The following PRKAR2A variants were observed in gnomAD, a reference collection of about 807,000 sequenced individuals.
PRKAR2A encodes cAMP-dependent protein kinase type II-alpha regulatory subunit.
PRKAR2A carries 29 observed loss-of-function variants against 51.9 expected under a neutral mutation model. The ratio of observed to expected loss-of-function variants is 0.56; its 90% CI spans 0.42 to 0.76. PRKAR2A has a LOEUF of 0.76. Ranked by LOEUF, PRKAR2A falls within the 30% of genes least tolerant of loss-of-function variation. The pLI, the probability that PRKAR2A is intolerant of heterozygous loss-of-function variation, is 0.00. For missense variants in PRKAR2A, 445 were observed against 512.1 expected (o/e 0.87, Z 1.26); for synonymous variants, 178 against 186.2 (o/e 0.96, Z 0.36).
chr3:48,792,335 T>C (rs905586141), intron 3 of PRKAR2A, among the ~76,000 whole-genome samples: 3 of 150,684 alleles, frequency 2.0e-5, no homozygotes, highest in African/African-American at 4.9e-5. Flanking sequence ...AGAGATGGGG[T>C]TTCACCATAT....
intron 5 of PRKAR2A, among the ~76,000 whole-genome samples, chr3:48,780,294 G>A (rs954565465): frequency 1.3e-5 from 2 of 151,704 alleles, no homozygotes; most frequent in Non-Finnish European, 2.9e-5. Context: ...CCCTAAATCA[G>A]CATTTAGAGT....
At chr3:48,803,091 A>G (rs561589878) in intron 2 of PRKAR2A, among the ~76,000 whole-genome samples, 1 of 152,244 alleles carries the variant, frequency 6.6e-6, no homozygotes, top group African/African-American at 2.4e-5. Context: ...TGAGAAGGGG[A>G]AGGTATGAAA....
rs570239619 is a variant in PRKAR2A at position 48,780,471 on chromosome 3, C to T, written c.542+2515G>A. Among the ~76,000 whole-genome samples the T allele has an allele frequency of 4.7e-4, 72 of 151,688 alleles. No homozygotes were observed. In the South Asian group the frequency reaches 0.011, roughly 24 times the overall value. On this transcript the variant is annotated intron_variant, in intron 5 of 10. Coordinates refer to ENST00000265563, the MANE Select transcript of PRKAR2A (RefSeq NM_004157.4). The stretch of plus-strand genomic sequence containing the variant: ...ACAAAAAATTAGCCGGGCATGGTGA[C>T]GGGCGCCTGTAGTCCCAGCTACTCG...
intron 1 of PRKAR2A, among the ~76,000 whole-genome samples, chr3:48,840,879 CTTTTT>C (rs998914309): frequency 9.9e-6 from 1 of 100,736 alleles, no homozygotes; most frequent in African/African-American, 3.7e-5. Flanking sequence ...CCTGGCCCAC[CTTTTT>C]TTTTTTTTTT....
chr3:48,828,473 T>A (rs113052114), intron 1 of PRKAR2A, among the ~76,000 whole-genome samples: 13 of 152,178 alleles, frequency 8.5e-5, no homozygotes, highest in Admixed American at 2.6e-4. Flanking sequence ...ATCCAAGTAC[T>A]TTGGGAGGCT....
In PRKAR2A at chr3:48,792,286, C is replaced by T. The variant is rs1020004539; in HGVS notation, c.352-1659G>A. Among the ~76,000 whole-genome samples, 5 of 150,716 alleles carry T rather than the reference C, an allele frequency of 3.3e-5. No individual in the cohort carries two copies. The East Asian group carries it at 5.9e-4, about 18-fold the overall frequency. On this transcript the variant is annotated intron_variant, in intron 3 of 10. Coordinates refer to ENST00000265563, the MANE Select transcript of PRKAR2A (RefSeq NM_004157.4). ...CCTCCTGAGTAGCTGGGAGTACAGG[C>T]GGGTGCCACCACGCCTGGCTAATTT...
chr3:48,768,796 T>C (rs2081978600), intron 6 of PRKAR2A, among the ~76,000 whole-genome samples: 2 of 151,806 alleles, frequency 1.3e-5, no homozygotes, highest in Admixed American at 6.6e-5. Flanking sequence ...ATTAGTACAA[T>C]TGCAATAGCA....
At chr3:48,815,752 G>T (rs1040724206) in intron 1 of PRKAR2A, among the ~76,000 whole-genome samples, 2 of 151,274 alleles carry the variant, frequency 1.3e-5, no homozygotes, top group Non-Finnish European at 2.9e-5. Flanking sequence ...CAGGCGTGGT[G>T]GCTCACGCCT....
chr3:48,836,433 A>C (rs1270128340), intron 1 of PRKAR2A, among the ~76,000 whole-genome samples: 2 of 139,380 alleles, frequency 1.4e-5, no homozygotes, highest in South Asian at 2.2e-4. Context: ...AAAAAAAAAA[A>C]AAAAAAAAAA....
intron 5 of PRKAR2A, among the ~76,000 whole-genome samples, chr3:48,778,821 ATTTTTTT>A (rs759904828): frequency 3.5e-5 from 3 of 86,404 alleles, no homozygotes; most frequent in Non-Finnish European, 7.0e-5. Context: ...CTCGGCCTGC[ATTTTTTT>A]TTTTTTTTTT....
intron 8 of PRKAR2A, among the ~76,000 whole-genome samples, chr3:48,761,500 CATT>C (rs2081862717): frequency 6.6e-6 from 1 of 152,020 alleles, no homozygotes; most frequent in Non-Finnish European, 1.5e-5. Context: ...TAAAATATCT[CATT>C]AATAAAGTTT....
intron 1 of PRKAR2A, among the ~76,000 whole-genome samples, chr3:48,817,522 G>A (rs904230464): frequency 3.3e-5 from 5 of 149,692 alleles, no homozygotes; most frequent in African/African-American, 1.2e-4. Flanking sequence ...GCATTTTGGC[G>A]GGCGCCTGTA....
intron 3 of PRKAR2A, among the ~76,000 whole-genome samples, chr3:48,791,844 G>A (rs1234528358): frequency 4.3e-5 from 6 of 139,194 alleles, no homozygotes; most frequent in Admixed American, 1.5e-4. Flanking sequence ...CAGAGGTTGT[G>A]GTGAGCCAAG....
At chr3:48,791,298 A>T (rs1160516289) in intron 3 of PRKAR2A, among the ~76,000 whole-genome samples, 2 of 140,574 alleles carry the variant, frequency 1.4e-5, no homozygotes, top group African/African-American at 5.3e-5. Flanking sequence ...AAAAAAAAAA[A>T]AAAAAAAAAA....
At chr3:48,829,019 A>G (rs2083120573) in intron 1 of PRKAR2A, among the ~76,000 whole-genome samples, 1 of 151,726 alleles carries the variant, frequency 6.6e-6, no homozygotes, top group African/African-American at 2.4e-5. Flanking sequence ...ATTTTTTGGT[A>G]GAGACGGGGT....
At chr3:48,836,234 A>AT (rs2083280799) in intron 1 of PRKAR2A, among the ~76,000 whole-genome samples, 1 of 151,724 alleles carries the variant, frequency 6.6e-6, no homozygotes, top group Non-Finnish European at 1.5e-5. Flanking sequence ...CCTGACCAAC[A>AT]TAGTGAAACC....
chr3:48,745,360 T>C (rs1052275454), downstream of PRKAR2A, among the ~76,000 whole-genome samples: 3 of 152,068 alleles, frequency 2.0e-5, no homozygotes. Context: ...GGTGAGTTTG[T>C]CTTCCTGGCA....
chr3:48,833,926 A>G (rs1167470231), intron 1 of PRKAR2A, among the ~76,000 whole-genome samples: 1 of 151,454 alleles, frequency 6.6e-6, no homozygotes, highest in Non-Finnish European at 1.5e-5. Flanking sequence ...AATCCCAGCT[A>G]CTTGGGAGGC....
rs2081662450 is a variant in PRKAR2A, at chr3:48,752,303, C to T, written c.954G>A (p.Lys318=). ...ILIRSRTKSN[K]DGGNQEVEIA... ...TCTCGACCTCCTGGTTCCCACCATC[C>T]TTGTTTGATTTAGTCTACAGCAGGC... Residue 318 remains lysine, a synonymous_variant, in exon 10 of 11, where the codon AAG becomes AAA. Coordinates refer to ENST00000265563, the MANE Select transcript of PRKAR2A (RefSeq NM_004157.4). 1 of 1,613,804 alleles carries T rather than the reference C, an allele frequency of 6.2e-7. No individual in the cohort carries two copies. Among genetic ancestry groups the T allele is most frequent in the East Asian group, 2.2e-5 (1 of 44,884 alleles).
Sources: allele counts gnomAD v4.1 joint callset (sites outside exome capture counted in the v4.1 genomes callset), GRCh38; gene constraint gnomAD v4.1.1; transcripts MANE v1.5; gene names NCBI Gene and HGNC (gene_info 2026-07-23, HGNC 2026-07-21).